Variants in GRAP2 observed in about 807,000 individuals in gnomAD.
GRAP2 encodes the protein GRB2 related adaptor protein 2.
A neutral mutation model predicts 43.5 loss-of-function variants in GRAP2; 31 were observed. The observed-to-expected ratio is 0.71, with a 90% CI of 0.54 to 0.96. The LOEUF is 0.96. Among genes scored for constraint, GRAP2 ranks in the 40% least tolerant of loss-of-function variants. The pLI, the probability that GRAP2 is intolerant of heterozygous loss-of-function variation, is 0.00. For missense variants in GRAP2, 371 were observed against 424.4 expected (o/e 0.87, Z 1.11); for synonymous variants, 156 against 164.8 (o/e 0.95, Z 0.41).
At chr22:39,920,696 A>G (rs2059557063) in intron 1 of GRAP2, among the ~76,000 whole-genome samples, 1 of 152,198 alleles carries the variant, frequency 6.6e-6, no homozygotes, top group South Asian at 2.1e-4. Flanking sequence ...AGGGAAGAAG[A>G]TGCTGACTCT....
intron 3 of GRAP2, among the ~76,000 whole-genome samples, chr22:39,958,544 G>A (rs1443580016): frequency 7.2e-6 from 1 of 137,950 alleles, no homozygotes; most frequent in African/African-American, 2.8e-5. Context: ...CAGTAAAGCT[G>A]TTGAATGAAT....
At chr22:39,895,960 A>G in the GRAP2 span, among the ~76,000 whole-genome samples, 1 of 152,198 alleles carries the variant, frequency 6.6e-6, no homozygotes, top group Non-Finnish European at 1.5e-5. Flanking sequence ...GAAGCAGTTT[A>G]CCTGAAACTT....
At chr22:39,905,143 A>G (rs2066514871) in intron 1 of GRAP2, among the ~76,000 whole-genome samples, 1 of 152,162 alleles carries the variant, frequency 6.6e-6, no homozygotes, top group South Asian at 2.1e-4. Flanking sequence ...GAGTACTCTC[A>G]GGGGGTATCT....
At chr22:39,928,752 A>G (rs5750885) in intron 1 of GRAP2, among the ~76,000 whole-genome samples, 1 of 152,338 alleles carries the variant, frequency 6.6e-6, no homozygotes, top group East Asian at 1.9e-4. Flanking sequence ...TTTGTACAGT[A>G]GTGCAGGCTT....
At chr22:39,943,681 G>A (rs534887184) in intron 1 of GRAP2, among the ~76,000 whole-genome samples, 4 of 150,874 alleles carry the variant, frequency 2.7e-5, no homozygotes, top group South Asian at 4.2e-4. Flanking sequence ...CATTTAATCC[G>A]TCTGTGAGGT....
At chr22:39,895,617 A>G in the GRAP2 span, among the ~76,000 whole-genome samples, 7 of 152,206 alleles carry the variant, frequency 4.6e-5, no homozygotes, top group Non-Finnish European at 8.8e-5. Context: ...AGGAATGCTG[A>G]GAAGTAGGCG....
intron 5 of GRAP2, 68 bp from the exon 6 acceptor site, chr22:39,967,974 G>GAGGGT: frequency 6.5e-7 from 1 of 1,549,392 alleles, no homozygotes; most frequent in Non-Finnish European, 8.7e-7. Context: ...ACAACTGCCC[G>GAGGGT]AGGGTAGGGT....
At chr22:39,920,190 G>A (rs1436357621) in intron 1 of GRAP2, among the ~76,000 whole-genome samples, 1 of 152,152 alleles carries the variant, frequency 6.6e-6, no homozygotes, top group African/African-American at 2.4e-5. Context: ...TCTCCCAAGA[G>A]GGTCCATCTG....
chr22:39,964,419 C>G (rs925779172), intron 4 of GRAP2: 2 of 841,658 alleles, frequency 2.4e-6, no homozygotes, highest in Non-Finnish European at 3.9e-6. Flanking sequence ...TGAAACAGCC[C>G]AAGAAGCAGG....
At chr22:39,903,363 G>A (rs539650374) in intron 1 of GRAP2, among the ~76,000 whole-genome samples, 1 of 152,212 alleles carries the variant, frequency 6.6e-6, no homozygotes, top group Non-Finnish European at 1.5e-5. Flanking sequence ...AAATAGCACA[G>A]CCTTGGCTGG....
At chr22:39,956,827 C>T (rs2067058306) in intron 3 of GRAP2, among the ~76,000 whole-genome samples, 1 of 152,156 alleles carries the variant, frequency 6.6e-6, no homozygotes, top group Non-Finnish European at 1.5e-5. Flanking sequence ...TGATTTCAAT[C>T]ACGGCGTTCC....
At chr22:39,918,231 A>C (rs55793831) in intron 1 of GRAP2, among the ~76,000 whole-genome samples, 5,616 of 152,258 alleles carry the variant, frequency 0.037, 139 homozygotes, top group Admixed American at 0.076. Context: ...AAACCATTTC[A>C]TGCCTCCTGC....
intron 1 of GRAP2, among the ~76,000 whole-genome samples, chr22:39,934,149 G>A (rs2066783948): frequency 6.6e-6 from 1 of 152,128 alleles, no homozygotes; most frequent in South Asian, 2.1e-4. Context: ...GGTTATTAGA[G>A]TGACATATAA....
At chr22:39,918,922 TGTGA>T (rs1265451912) in intron 1 of GRAP2, among the ~76,000 whole-genome samples, 2 of 152,246 alleles carry the variant, frequency 1.3e-5, no homozygotes, top group Non-Finnish European at 2.9e-5. Flanking sequence ...GGCAAGACAC[TGTGA>T]GTATTTTGAT....
intron 1 of GRAP2, among the ~76,000 whole-genome samples, chr22:39,908,623 G>T (rs1017000123): frequency 6.6e-6 from 1 of 152,114 alleles, no homozygotes; most frequent in Non-Finnish European, 1.5e-5. Context: ...TTGGAAGTTG[G>T]AGACTCACAA....
At position 39,970,910 on chromosome 22, in the gene GRAP2, G is replaced by C; in HGVS notation, c.819G>C (p.Val273=). The C allele has an allele frequency of 6.2e-7, 1 of 1,602,302 alleles. No individual in the cohort carries two copies. The highest frequency in any genetic ancestry group is 8.5e-7 in the Non-Finnish European group (1 of 1,174,832). Residue 273 remains valine (V), a synonymous_variant, in exon 8 of 8, where the codon GTG becomes GTC. Transcript: ENST00000344138. ...TTCTGTGCTTCCCCCAACAGCGAGT[G>C]CGGTGGGCCCGGGCGCTGTATGACT... ...DPVQLQAAGR[V]RWARALYDFE... is the part of the protein sequence containing the mutation.
intron 2 of GRAP2, among the ~76,000 whole-genome samples, chr22:39,952,682 C>T (rs2066998977): frequency 6.6e-6 from 1 of 152,184 alleles, no homozygotes. Flanking sequence ...ATATGGGACA[C>T]ACTTTTATTC....
At chr22:39,895,821 T>C in the GRAP2 span, among the ~76,000 whole-genome samples, 1 of 152,188 alleles carries the variant, frequency 6.6e-6, no homozygotes, top group Non-Finnish European at 1.5e-5. Flanking sequence ...AGGCAAACAA[T>C]GTTACGGGAG....
chr22:39,971,652 G>A lies in GRAP2; in HGVS notation c.*568G>A, dbSNP rs956102241. 1 of 152,526 alleles carries A rather than the reference G, an allele frequency of 6.6e-6. No individual in the cohort carries two copies. The highest frequency in any genetic ancestry group is 6.5e-5 in the Admixed American group (1 of 15,286). The allele number at this position is 152,526 out of a possible 1,614,324, so 9.4% of individuals were successfully genotyped here. On this transcript the variant is annotated 3_prime_UTR_variant, in exon 8 of 8. Transcript: ENST00000344138. ...AGTCTGAGCGGGGATGTGAAGGCAG[G>A]ACGGGGTTGGAGAGACCCTGCCTGT...
Sources: gnomAD v4.1 joint callset for allele counts (sites outside exome capture counted in the v4.1 genomes callset) on GRCh38, gnomAD v4.1.1 for gene constraint, MANE v1.5 for transcripts, NCBI Gene and HGNC (gene_info 2026-07-23, HGNC 2026-07-21) for gene names.